LARGE1: variants seen among roughly 807,000 people sequenced by gnomAD.
LARGE1 encodes the protein LARGE xylosyl- and glucuronyltransferase 1, also known as xylosyl- and glucuronyltransferase LARGE1.
In LARGE1, 43 loss-of-function variants were observed where a neutral mutation model predicts 87.6. That is an observed-to-expected ratio of 0.49 (90% CI 0.38 to 0.63). The LOEUF (loss-of-function observed/expected upper bound fraction) is 0.63, where lower values mean the gene tolerates loss of function less well. Ranked by LOEUF, LARGE1 falls within the 30% of genes least tolerant of loss-of-function variation. The pLI is 0.00. For synonymous variants in LARGE1, 434 were observed against 394.6 expected, an observed-to-expected ratio of 1.10 and a Z score of -1.18; for missense variants, 802 against 1,000.2, an observed-to-expected ratio of 0.80 and a Z score of 2.67.
intron 6 of LARGE1, among the ~76,000 whole-genome samples, chr22:33,560,129 G>T (rs1276168113): frequency 6.6e-6 from 1 of 152,166 alleles, no homozygotes; most frequent in African/African-American, 2.4e-5. Flanking sequence ...CTTAAGAAAT[G>T]TGAGACTCCA....
At chr22:33,269,535 T>G (rs1568997616), downstream of LARGE1, among the ~76,000 whole-genome samples, 1 of 152,210 alleles carries the variant, frequency 6.6e-6, no homozygotes, top group Non-Finnish European at 1.5e-5. Context: ...CCTTATTTTC[T>G]TTCTTCAGCA....
In LARGE1 at chr22:33,304,170, G is replaced by T. The variant is rs564905143; in HGVS notation, c.1730+59C>A. ...ATGACCCTAAGGGCCTTTTGGTCCTGGCACTGCATGGCCCTATGTGCCTTC... is the reference window on the plus strand; with the variant it reads ...ATGACCCTAAGGGCCTTTTGGTCCTTGCACTGCATGGCCCTATGTGCCTTC... On this transcript the variant is annotated intron_variant, in intron 12 of 14. Transcript: ENST00000397394. 2.3e-5 allele frequency: 37 copies of T among 1,588,564 alleles called. No homozygotes were observed. In the African/African-American group the frequency reaches 3.1e-4, roughly 13 times the overall value.
intron 5 of LARGE1, among the ~76,000 whole-genome samples, chr22:33,581,048 T>G (rs1267526148): frequency 6.6e-6 from 1 of 152,258 alleles, no homozygotes; most frequent in African/African-American, 2.4e-5. Context: ...TTTCTCATTT[T>G]CAATGAAATT....
chr22:33,453,379 C>A (rs1339870392), intron 6 of LARGE1, among the ~76,000 whole-genome samples: 1 of 151,528 alleles, frequency 6.6e-6, no homozygotes. Flanking sequence ...CGTGCCACTG[C>A]ACTCCAGCCT....
rs188442285 is a variant in LARGE1 at position 33,830,340 on chromosome 22, G to A, written c.-82-68782C>T. 2.8e-4 allele frequency among the ~76,000 whole-genome samples: 42 copies of A among 152,274 alleles called. No homozygotes were observed. The East Asian group carries it at 2.9e-3, about 11-fold the overall frequency. ...AAGAAACCAACACCATGCAGATGCC[G>A]AGGCAAAGGGAGCTGGCTGCTGTCG... On this transcript the variant is annotated intron_variant, in intron 1 of 14. Coordinates refer to ENST00000397394, the MANE Select transcript of LARGE1 (RefSeq NM_133642.5).
intron 6 of LARGE1, among the ~76,000 whole-genome samples, chr22:33,433,757 A>C (rs573351887): frequency 4.2e-4 from 64 of 152,316 alleles, no homozygotes; most frequent in African/African-American, 1.5e-3. Flanking sequence ...CAATTTGAGA[A>C]ATAAAGACCT....
intron 10 of LARGE1, among the ~76,000 whole-genome samples, chr22:33,318,643 T>C (rs1936414658): frequency 6.6e-6 from 1 of 152,118 alleles, no homozygotes; most frequent in Admixed American, 6.5e-5. Context: ...ATATACCTAA[T>C]GTTAAATGAT....
intron 2 of LARGE1, among the ~76,000 whole-genome samples, chr22:33,748,185 G>A (rs1005751092): frequency 1.0e-4 from 15 of 149,440 alleles, no homozygotes; most frequent in African/African-American, 3.7e-4. Context: ...AGGCTGAGGT[G>A]CAGTGGCATG....
intron 1 of LARGE1, among the ~76,000 whole-genome samples, chr22:33,870,239 G>A (rs1445383908): frequency 6.6e-6 from 1 of 152,164 alleles, no homozygotes; most frequent in Non-Finnish European, 1.5e-5. Context: ...CTAGGCAGAG[G>A]CCAGGAAGGA....
At chr22:33,548,091 C>A (rs990315997) in intron 6 of LARGE1, among the ~76,000 whole-genome samples, 6 of 152,122 alleles carry the variant, frequency 3.9e-5, no homozygotes, top group Non-Finnish European at 5.9e-5. Flanking sequence ...CAGTTGTGAT[C>A]CCCAGCGTTG....
chr22:33,399,617 C>T (rs1377199356), intron 7 of LARGE1, among the ~76,000 whole-genome samples: 11 of 152,212 alleles, frequency 7.2e-5, no homozygotes, highest in East Asian at 1.9e-4. Context: ...GGTGCGATCT[C>T]GGCTCACTGC....
In LARGE1 at chr22:33,547,522, C is replaced by T. The variant is rs561364693; in HGVS notation, c.787+17326G>A. On this transcript the variant is annotated intron_variant, in intron 6 of 14. Transcript: ENST00000397394. ...ATACCAGGCTTCTTAAAAGCACGTTCTCATGGCTCACGCCTGTAATCCCAG... is the reference window on the plus strand; with the variant it reads ...ATACCAGGCTTCTTAAAAGCACGTTTTCATGGCTCACGCCTGTAATCCCAG... Among the ~76,000 whole-genome samples the T allele has an allele frequency of 2.1e-3, 312 of 152,052 alleles. 2 individuals are homozygous for T. The highest frequency in any genetic ancestry group is 7.1e-3 in the African/African-American group (293 of 41,508).
chr22:33,642,049 T>G (rs1327624127), intron 3 of LARGE1, among the ~76,000 whole-genome samples: 1 of 152,068 alleles, frequency 6.6e-6, no homozygotes. Context: ...AAGATAGTCT[T>G]CCAGAAAGGC....
At chr22:33,683,119 G>A (rs1355812747) in intron 2 of LARGE1, among the ~76,000 whole-genome samples, 1 of 152,142 alleles carries the variant, frequency 6.6e-6, no homozygotes, top group Admixed American at 6.5e-5. Flanking sequence ...GACTTGACTG[G>A]GCTACAGGGT....
Position 33,421,336 on chromosome 22 carries a change from G to A in LARGE1, c.892+10825C>T, listed in dbSNP as rs572814069. Among the ~76,000 whole-genome samples, 293 of 152,244 alleles carry A rather than the reference G, an allele frequency of 1.9e-3. 3 individuals carry two copies. The highest frequency in any genetic ancestry group is 3.4e-3 in the Non-Finnish European group (232 of 68,022). On this transcript the variant is annotated intron_variant, in intron 7 of 14. Coordinates refer to ENST00000397394, the MANE Select transcript of LARGE1 (RefSeq NM_133642.5). Reference sequence around the variant, plus strand: ...AACATTAACTCCTTTTCTCCTGAAGGCATCTGTGTGAAATATGAATTCTTT... The same window carrying A: ...AACATTAACTCCTTTTCTCCTGAAGACATCTGTGTGAAATATGAATTCTTT...
intron 3 of LARGE1, among the ~76,000 whole-genome samples, chr22:33,636,136 A>AAATC (rs1282301585): frequency 6.6e-6 from 1 of 152,208 alleles, no homozygotes; most frequent in Middle Eastern, 3.2e-3. Context: ...GCCACCTGAG[A>AAATC]AATCAGAAAC....
In LARGE1 at chr22:33,563,662, A is replaced by G. The variant is rs578115896; in HGVS notation, c.787+1186T>C. On this transcript the variant is annotated intron_variant, in intron 6 of 14. Coordinates refer to ENST00000397394, the MANE Select transcript of LARGE1 (RefSeq NM_133642.5). ...CCTCTAAGCTTCCGTTTCTTTCTTT[A>G]TGAAACAAAAGGACACGTCCACACG... Among the ~76,000 whole-genome samples, 36 of 152,354 alleles carry G rather than the reference A, an allele frequency of 2.4e-4. 2 individuals are homozygous for G. The highest frequency in any genetic ancestry group is 2.3e-3 in the South Asian group (11 of 4,828).
rs140319631 is a variant in LARGE1, at chr22:33,374,557, A to C, written c.1131+7362T>G. Among the ~76,000 whole-genome samples, 908 of 152,322 alleles carry C rather than the reference A, an allele frequency of 6.0e-3. 9 individuals carry two copies. Among genetic ancestry groups the C allele is most frequent in the African/African-American group, 0.021 (859 of 41,592 alleles). Reference sequence around the variant, plus strand: ...CTTTTAAAATCTTTGGCAGGTTTCCATGAATCAAAATTCTAACTTAAGTTT... The same window carrying C: ...CTTTTAAAATCTTTGGCAGGTTTCCCTGAATCAAAATTCTAACTTAAGTTT... On this transcript the variant is annotated intron_variant, in intron 9 of 14. Transcript: ENST00000397394.
the LARGE1 span, among the ~76,000 whole-genome samples, chr22:33,138,394 A>G: frequency 6.6e-6 from 1 of 152,114 alleles, no homozygotes; most frequent in African/African-American, 2.4e-5. Context: ...GCTGATAGGC[A>G]TAAGGGACTT....
Sources: allele counts gnomAD v4.1 joint callset (sites outside exome capture counted in the v4.1 genomes callset), GRCh38; gene constraint gnomAD v4.1.1; transcripts MANE v1.5; gene names NCBI Gene and HGNC (gene_info 2026-07-23, HGNC 2026-07-21).